C12orf50: variants seen among roughly 807,000 people sequenced by gnomAD.
The protein encoded by C12orf50 is uncharacterized protein C12orf50.
A neutral mutation model predicts 61.6 loss-of-function variants in C12orf50; 35 were observed. That is an observed-to-expected ratio of 0.57 (90% CI 0.43 to 0.75). The LOEUF (loss-of-function observed/expected upper bound fraction) is 0.75. Ranked by LOEUF, C12orf50 falls within the 30% of genes least tolerant of loss-of-function variation. C12orf50 has a pLI of 0.00. For missense variants in C12orf50, 475 were observed against 488.5 expected (o/e 0.97, Z 0.26); for synonymous variants, 178 against 161.5 (o/e 1.10, Z -0.77).
At chr12:88,014,361 G>A (rs1449460986) in intron 3 of C12orf50, among the ~76,000 whole-genome samples, 2 of 152,082 alleles carry the variant, frequency 1.3e-5, no homozygotes, top group East Asian at 3.9e-4. Context: ...GAGTGCAGTG[G>A]CGCGATTTCG....
chr12:87,996,554 T>A lies in C12orf50; in HGVS notation c.367+15A>T. On this transcript the variant is annotated intron_variant, in intron 5 of 12. Coordinates refer to ENST00000298699, the MANE Select transcript of C12orf50 (RefSeq NM_152589.3). The stretch of plus-strand genomic sequence containing the variant: ...CATCAAGTATTAGAAAATACAAAAA[T>A]GTTTGATTTCTTACCAGATTTATAA... The A allele has an allele frequency of 6.2e-7, 1 of 1,600,342 alleles. No individual in the cohort carries two copies. The highest frequency in any genetic ancestry group is 8.6e-7 in the Non-Finnish European group (1 of 1,168,302).
Position 87,981,656 on chromosome 12 carries a change from C to T in C12orf50, c.1220-1300G>A, listed in dbSNP as rs55953239. Among the ~76,000 whole-genome samples, 802 of 152,194 alleles carry T rather than the reference C, an allele frequency of 5.3e-3. 4 individuals carry two copies. Among genetic ancestry groups the T allele is most frequent in the South Asian group, 9.3e-3 (45 of 4,828 alleles). On this transcript the variant is annotated intron_variant, in intron 12 of 12. Coordinates refer to ENST00000298699, the MANE Select transcript of C12orf50 (RefSeq NM_152589.3). The stretch of plus-strand genomic sequence containing the variant: ...CCCCAATATGGCTCAACAAAGTCCT[C>T]TTTCTGGTGCTTATCCTTTTAATCC...
At chr12:88,008,323 TTC>T (rs934787626) in intron 3 of C12orf50, among the ~76,000 whole-genome samples, 2 of 152,240 alleles carry the variant, frequency 1.3e-5, no homozygotes, top group Admixed American at 6.5e-5. Flanking sequence ...GTATTTGTTT[TTC>T]TGTTACTGCA....
intron 7 of C12orf50, 136 bp from the exon 8 acceptor site, chr12:87,989,507 T>G: frequency 1.7e-6 from 1 of 586,426 alleles, no homozygotes; most frequent in East Asian, 2.8e-5. Context: ...CATATCCATC[T>G]CCATACATTT....
Position 87,980,284 on chromosome 12 carries a change from G to A in C12orf50, c.*47C>T. On this transcript the variant is annotated 3_prime_UTR_variant, in exon 13 of 13. Transcript: ENST00000298699. ...TTTCATTTTTGATTGTAAATCAGAT[G>A]ATGTCTGGCAATTTTTTCTCATTTT... The A allele has an allele frequency of 6.4e-7, 1 of 1,566,070 alleles. No individual in the cohort carries two copies. Among genetic ancestry groups the A allele is most frequent in the Non-Finnish European group, 8.8e-7 (1 of 1,140,528 alleles).
intron 7 of C12orf50, among the ~76,000 whole-genome samples, chr12:87,989,846 A>T (rs922838363): frequency 1.3e-5 from 2 of 152,162 alleles, no homozygotes; most frequent in Non-Finnish European, 2.9e-5. Context: ...GTTTCAAATA[A>T]CCTTATTTTA....
At chr12:88,013,966 A>G (rs1359152159) in intron 3 of C12orf50, among the ~76,000 whole-genome samples, 3 of 152,228 alleles carry the variant, frequency 2.0e-5, no homozygotes, top group African/African-American at 4.8e-5. Flanking sequence ...TTCACGTGAT[A>G]TAAGAGAACA....
intron 3 of C12orf50, among the ~76,000 whole-genome samples, chr12:88,003,008 T>C (rs1287375869): frequency 6.6e-6 from 1 of 151,944 alleles, no homozygotes; most frequent in Admixed American, 6.6e-5. Context: ...ATTACATTTC[T>C]ATACATGACA....
chr12:88,007,045 C>T (rs1404174551), intron 3 of C12orf50, among the ~76,000 whole-genome samples: 1 of 152,136 alleles, frequency 6.6e-6, no homozygotes, highest in South Asian at 2.1e-4. Flanking sequence ...CCATTGAAAT[C>T]AATTGTTATT....
chr12:87,997,835 A>C (rs1260738990), intron 4 of C12orf50, among the ~76,000 whole-genome samples, 200 bp downstream of exon 4: 1 of 152,192 alleles, frequency 6.6e-6, no homozygotes, highest in African/African-American at 2.4e-5. Flanking sequence ...ATCGTACAAC[A>C]AAAACTTTCC....
At chr12:88,003,047 A>G (rs2031715037) in intron 3 of C12orf50, among the ~76,000 whole-genome samples, 1 of 151,884 alleles carries the variant, frequency 6.6e-6, no homozygotes. Context: ...TATAATTATT[A>G]CTTAAGATAA....
intron 12 of C12orf50, among the ~76,000 whole-genome samples, chr12:87,982,811 A>C (rs1348132711): frequency 6.6e-6 from 1 of 152,164 alleles, no homozygotes. Context: ...AAAAAAAAAA[A>C]AATGCATCTT....
chr12:88,001,229 T>A (rs1051856963), intron 3 of C12orf50, among the ~76,000 whole-genome samples: 1 of 151,744 alleles, frequency 6.6e-6, no homozygotes, highest in African/African-American at 2.4e-5. Context: ...TTTTATCAAC[T>A]GTTTTTTATT....
chr12:88,027,188 A>G (rs2032740388), intron 1 of C12orf50, 118 bp from the exon 2 acceptor site: 3 of 1,060,660 alleles, frequency 2.8e-6, no homozygotes, highest in Admixed American at 3.5e-5. Context: ...TCACAAAGAT[A>G]TACACTATCA....
At chr12:88,016,351 A>G (rs1368636705) in intron 3 of C12orf50, among the ~76,000 whole-genome samples, 1 of 152,196 alleles carries the variant, frequency 6.6e-6, no homozygotes, top group African/African-American at 2.4e-5. Context: ...CAAAGGTATT[A>G]CTTTATAATT....
intron 3 of C12orf50, among the ~76,000 whole-genome samples, chr12:88,008,988 T>C (rs920368811): frequency 1.3e-5 from 2 of 152,210 alleles, no homozygotes; most frequent in South Asian, 2.1e-4. Context: ...GTTTCTCCTA[T>C]TTTCATCACT....
intron 3 of C12orf50, among the ~76,000 whole-genome samples, chr12:87,999,435 C>A (rs1368014666): frequency 1.3e-5 from 2 of 151,966 alleles, no homozygotes; most frequent in Non-Finnish European, 2.9e-5. Flanking sequence ...AAAACAAAAA[C>A]AAAAACAAAC....
chr12:88,024,034 C>T (rs971726688), intron 3 of C12orf50, among the ~76,000 whole-genome samples: 5 of 152,134 alleles, frequency 3.3e-5, no homozygotes, highest in Non-Finnish European at 2.9e-5. Flanking sequence ...AAATGCTCAA[C>T]ATCACTAATC....
In C12orf50 at chr12:87,980,156, A is replaced by G. The variant is rs2030384172; in HGVS notation, c.*175T>C. 1 of 608,358 alleles carries G rather than the reference A, an allele frequency of 1.6e-6. No homozygotes were observed. The highest frequency in any genetic ancestry group is 2.3e-5 in the South Asian group (1 of 42,568). The allele number at this position is 608,358 out of a possible 1,614,324, so 37.7% of individuals were successfully genotyped here. Reference sequence around the variant, plus strand: ...TTTGCATTTTTATCAGTTTTGAAAGAGCACAATGTACTTCCTGCATCTTAT... The same window carrying G: ...TTTGCATTTTTATCAGTTTTGAAAGGGCACAATGTACTTCCTGCATCTTAT... On this transcript the variant is annotated 3_prime_UTR_variant, in exon 13 of 13. Coordinates refer to ENST00000298699, the MANE Select transcript of C12orf50 (RefSeq NM_152589.3).
Sources: allele counts gnomAD v4.1 joint callset (sites outside exome capture counted in the v4.1 genomes callset), GRCh38; gene constraint gnomAD v4.1.1; transcripts MANE v1.5; gene names NCBI Gene and HGNC (gene_info 2026-07-23, HGNC 2026-07-21).